The following ANKDD1A variants were observed in gnomAD, a reference collection of about 807,000 sequenced individuals.
The protein encoded by ANKDD1A is ankyrin repeat and death domain-containing protein 1A.
A neutral mutation model predicts 63.5 loss-of-function variants in ANKDD1A; 59 were observed. That is an observed-to-expected ratio of 0.93 (90% CI 0.75 to 1.15). The LOEUF (loss-of-function observed/expected upper bound fraction) is 1.15, where lower values mean the gene tolerates loss of function less well. Among genes scored for constraint, ANKDD1A ranks in the 50% most tolerant of loss-of-function variants. ANKDD1A has a pLI of 0.00. For missense variants in ANKDD1A, 632 were observed against 656.4 expected, an observed-to-expected ratio of 0.96 and a Z score of 0.41; for synonymous variants, 266 against 263.9, an observed-to-expected ratio of 1.01 and a Z score of -0.08.
chr15:64,927,013 G>A lies in ANKDD1A; in HGVS notation c.570+14G>A. On this transcript the variant is annotated intron_variant, in intron 6 of 14. Transcript: ENST00000319580. Reference sequence around the variant, plus strand: ...GTCAAAGACAAGGTACCGTGTCCGTGAGGCTCTGGGATCCTGACCAGGGTG... The same window carrying A: ...GTCAAAGACAAGGTACCGTGTCCGTAAGGCTCTGGGATCCTGACCAGGGTG... 3 of 1,613,900 alleles carry A rather than the reference G, an allele frequency of 1.9e-6. No individual in the cohort carries two copies. The highest frequency in any genetic ancestry group is 2.5e-6 in the Non-Finnish European group (3 of 1,179,776).
rs188343518 is a variant in ANKDD1A, at chr15:64,936,380, C to G, written c.867+2146C>G. Among the ~76,000 whole-genome samples the G allele has an allele frequency of 3.2e-3, 490 of 152,256 alleles. 3 individuals carry two copies. The highest frequency in any genetic ancestry group is 0.011 in the African/African-American group (464 of 41,556). ...CCAGTGGTCAAACTAAGAAGTTTTC[C>G]TGTTACCTTCATTTAGTATGTTGTT... On this transcript the variant is annotated intron_variant, in intron 9 of 14. Transcript: ENST00000319580.
intron 14 of ANKDD1A, among the ~76,000 whole-genome samples, chr15:64,952,464 T>C (rs1357010700): frequency 6.7e-6 from 1 of 149,264 alleles, no homozygotes; most frequent in East Asian, 2.0e-4. Flanking sequence ...TTCTTCTCCT[T>C]CTTCCTTCTC....
In ANKDD1A at chr15:64,915,890, C is replaced by T. The variant is rs769683882; in HGVS notation, c.128C>T (p.Ala43Val). 6.2e-7 allele frequency: 1 copy of T among 1,613,534 alleles called. No homozygotes were observed. Among genetic ancestry groups the T allele is most frequent in the Non-Finnish European group, 8.5e-7 (1 of 1,179,698 alleles). ...ATTGGGAGGAGGGTTAACACCAGGG[C>T]CAGAAACCACGTGCGTAATGAGCTT... is the stretch of plus-strand genomic sequence containing the variant. ...ELIGRRVNTR[A>V]RNHVGRVALH... is the part of the protein sequence containing the mutation. Residue 43 changes from alanine to valine, a missense_variant, in exon 2 of 15, where the codon GCC becomes GTC. Transcript: ENST00000319580.
intron 14 of ANKDD1A, chr15:64,950,270 A>C: frequency 1.0e-6 from 1 of 984,956 alleles, no homozygotes; most frequent in Non-Finnish European, 1.2e-6. Flanking sequence ...ATACCTTGAC[A>C]TTTTTTTTCC....
rs557531003 is a variant in ANKDD1A at position 64,934,666 on chromosome 15, A to ATTT, written c.867+448_867+450dup. Among the ~76,000 whole-genome samples, 570 of 119,864 alleles carry ATTT rather than the reference A, an allele frequency of 4.8e-3. 17 individuals are homozygous for ATTT. In the East Asian group the frequency reaches 0.059, roughly 12 times the overall value. 78.6% of individuals were successfully genotyped at this position (119,864 alleles called of 152,430 possible). ...AGGCACACACCACCATGCCCAGCTAATTTTTTTTTTTTTTTTTTGTATTTT... is the reference window on the plus strand; with the variant it reads ...AGGCACACACCACCATGCCCAGCTAATTTTTTTTTTTTTTTTTTTTTGTATTTT... On this transcript the variant is annotated intron_variant, in intron 9 of 14. Transcript: ENST00000319580.
chr15:64,936,306 A>C (rs896732920), intron 9 of ANKDD1A, among the ~76,000 whole-genome samples: 3 of 152,100 alleles, frequency 2.0e-5, no homozygotes, highest in Admixed American at 2.0e-4. Context: ...ATTCAGGCTA[A>C]ATGCTTACTT....
chr15:64,915,958 T>C, intron 2 of ANKDD1A, 58 bp downstream of exon 2: 1 of 1,510,056 alleles, frequency 6.6e-7, no homozygotes, highest in South Asian at 1.2e-5. Context: ...ATAATGCCAG[T>C]ACACAGGGGG....
rs776525476 is a variant in ANKDD1A at position 64,915,821 on chromosome 15, A to G, written c.59A>G (p.His20Arg). ...GTGCTTCCTCTGGAGAGGCAGCTCC[A>G]CGAGGCCGCCCGCCAGAACAATGTC... ...DGLLPLERQL[H>R]EAARQNNVGR... Residue 20 changes from histidine to arginine, a missense_variant, in exon 2 of 15, where the codon CAC becomes CGC. Coordinates refer to ENST00000319580, the MANE Select transcript of ANKDD1A (RefSeq NM_182703.6). 1.9e-6 allele frequency: 3 copies of G among 1,613,852 alleles called. No homozygotes were observed. The African/African-American group carries it at 4.0e-5, about 22-fold the overall frequency.
intron 14 of ANKDD1A, chr15:64,950,409 C>CT: frequency 1.0e-6 from 1 of 985,396 alleles, no homozygotes; most frequent in Non-Finnish European, 1.2e-6. Context: ...GTCATCACAA[C>CT]TTATTTGAGT....
rs79725526 is a variant in ANKDD1A, at chr15:64,942,728, A to G, written c.966+163A>G. Among the ~76,000 whole-genome samples, 390 of 150,964 alleles carry G rather than the reference A, an allele frequency of 2.6e-3. 1 individual carries two copies. The highest frequency in any genetic ancestry group is 9.2e-3 in the African/African-American group (379 of 41,058). On this transcript the variant is annotated intron_variant, in intron 10 of 14. Coordinates refer to ENST00000319580, the MANE Select transcript of ANKDD1A (RefSeq NM_182703.6). Reference sequence around the variant, plus strand: ...GTAATCTAAATAGTTGCTGAAGGGAATATCATTTTGTTCATCATTCCCCTC... The same window carrying G: ...GTAATCTAAATAGTTGCTGAAGGGAGTATCATTTTGTTCATCATTCCCCTC...
At chr15:64,945,632 G>A (rs1467616236) in intron 12 of ANKDD1A, among the ~76,000 whole-genome samples, 165 of 10,004 alleles carry the variant, frequency 0.016, no homozygotes, top group African/African-American at 0.031. Flanking sequence ...ATATATATAT[G>A]AACTTTTTTT....
chr15:64,952,527 C>CTCCTTCCTTT (rs1166902705), intron 14 of ANKDD1A, among the ~76,000 whole-genome samples: 26 of 145,276 alleles, frequency 1.8e-4, no homozygotes, highest in African/African-American at 5.3e-4. Context: ...CTTCTTCCTT[C>CTCCTTCCTTT]GTCTTCTTCT....
chr15:64,952,077 TTCC>T (rs2085296697), intron 14 of ANKDD1A, among the ~76,000 whole-genome samples: 5 of 3,784 alleles, frequency 1.3e-3, no homozygotes, highest in African/African-American at 2.4e-3. Flanking sequence ...TTTCTTCTTC[TTCC>T]TTCTTTTCTT....
intron 8 of ANKDD1A, among the ~76,000 whole-genome samples, chr15:64,933,854 G>C (rs2085107869): frequency 6.6e-6 from 1 of 151,700 alleles, no homozygotes; most frequent in Admixed American, 6.6e-5. Flanking sequence ...AAAAAAAAAA[G>C]TCTATCATCT....
At chr15:64,940,308 A>G (rs116547996) in intron 9 of ANKDD1A, among the ~76,000 whole-genome samples, 2,690 of 152,264 alleles carry the variant, frequency 0.018, 95 homozygotes, top group African/African-American at 0.061. Flanking sequence ...AAAATTCACA[A>G]ATTGTGACAA....
intron 14 of ANKDD1A, among the ~76,000 whole-genome samples, chr15:64,952,634 TTTC>T (rs1205233978): frequency 1.8e-5 from 2 of 111,278 alleles, no homozygotes; most frequent in African/African-American, 6.2e-5. Context: ...TCGTCTTTTC[TTTC>T]TTCTTCTCCT....
intron 14 of ANKDD1A, among the ~76,000 whole-genome samples, chr15:64,952,382 C>CTT (rs1235665928): frequency 4.7e-3 from 14 of 2,980 alleles, no homozygotes; most frequent in Non-Finnish European, 0.024. Flanking sequence ...TTCCTCTTTC[C>CTT]TTCTTTTCTT....
chr15:64,933,503 G>A (rs888872290), intron 8 of ANKDD1A, among the ~76,000 whole-genome samples: 3 of 152,192 alleles, frequency 2.0e-5, no homozygotes, highest in African/African-American at 7.2e-5. Context: ...TGCATGCTGG[G>A]TGGAGTTTGC....
rs116015184 is a variant in ANKDD1A at position 64,914,506 on chromosome 15, C to G, written c.35-1291C>G. Among the ~76,000 whole-genome samples, 886 of 152,330 alleles carry G rather than the reference C, an allele frequency of 5.8e-3. 7 individuals carry two copies. The highest frequency in any genetic ancestry group is 0.02 in the African/African-American group (847 of 41,566). On this transcript the variant is annotated intron_variant, in intron 1 of 14. Transcript: ENST00000319580. ...TGGAGGTTTTGCTTTTTAGCCCAGG[C>G]TGGTCTTGAACTCCTGGCTTCAAGC...
Sources: gnomAD v4.1 joint callset for allele counts (sites outside exome capture counted in the v4.1 genomes callset) on GRCh38, gnomAD v4.1.1 for gene constraint, MANE v1.5 for transcripts, NCBI Gene and HGNC (gene_info 2026-07-23, HGNC 2026-07-21) for gene names.